CDH12: variants seen among roughly 807,000 people sequenced by gnomAD.
CDH12 encodes the protein cadherin 12.
A neutral mutation model predicts 74.1 loss-of-function variants in CDH12; 41 were observed. That is an observed-to-expected ratio of 0.55 (90% confidence interval 0.43 to 0.72). CDH12 has a LOEUF of 0.72. CDH12 is among the 30% of genes least tolerant of loss of function. The pLI is 0.00. For synonymous variants in CDH12, 399 were observed against 355.0 expected (o/e 1.12, Z -1.39); for missense variants, 945 against 977.2 (o/e 0.97, Z 0.44).
chr5:22,283,496 T>C (rs2150408678), intron 3 of CDH12, among the ~76,000 whole-genome samples: 1 of 151,990 alleles, frequency 6.6e-6, no homozygotes, highest in Admixed American at 6.6e-5. Flanking sequence ...GAAGGCATTT[T>C]GATAACTGAC....
rs561636813 is a variant in CDH12, at chr5:21,848,960, C to T, written c.646+5711G>A. Among the ~76,000 whole-genome samples, 186 of 151,918 alleles carry T rather than the reference C, an allele frequency of 1.2e-3. 1 individual carries two copies. Among genetic ancestry groups the T allele is most frequent in the African/African-American group, 4.2e-3 (173 of 41,478 alleles). On this transcript the variant is annotated intron_variant, in intron 7 of 14. Coordinates refer to ENST00000382254, the MANE Select transcript of CDH12 (RefSeq NM_004061.5). The stretch of plus-strand genomic sequence containing the variant: ...CCCAATAGCAAAGGACCTGTCAGGT[C>T]GTATGTTATAGATACATGTGCATCA...
In CDH12 at chr5:22,241,256, A is replaced by G. The variant is rs913972492; in HGVS notation, c.-332-28613T>C. On this transcript the variant is annotated intron_variant, in intron 3 of 14. Transcript: ENST00000382254. Reference sequence around the variant, plus strand: ...ATACACTTTTTTTCCCACAAAGGCCATAACGTATTTTCAAAACCAAACTCT... The same window carrying G: ...ATACACTTTTTTTCCCACAAAGGCCGTAACGTATTTTCAAAACCAAACTCT... Among the ~76,000 whole-genome samples, 62 of 152,172 alleles carry G rather than the reference A, an allele frequency of 4.1e-4. 2 individuals carry two copies. Among genetic ancestry groups the G allele is most frequent in the African/African-American group, 1.5e-3 (61 of 41,544 alleles).
chr5:22,431,868 AAG>A (rs1461631978), intron 2 of CDH12, among the ~76,000 whole-genome samples: 1 of 152,134 alleles, frequency 6.6e-6, no homozygotes. Flanking sequence ...AGTATTATGA[AAG>A]AGAGTAGAAA....
intron 6 of CDH12, among the ~76,000 whole-genome samples, chr5:21,936,787 T>G (rs932624968): frequency 2.0e-5 from 3 of 152,042 alleles, no homozygotes; most frequent in African/African-American, 7.2e-5. Context: ...ATGCTGTTCT[T>G]GTGATAGTGA....
At chr5:21,853,122 G>T (rs1750560843) in intron 7 of CDH12, among the ~76,000 whole-genome samples, 1 of 150,828 alleles carries the variant, frequency 6.6e-6, no homozygotes, top group African/African-American at 2.4e-5. Flanking sequence ...ATATATATAA[G>T]ATTTTTTTCA....
At chr5:22,579,312 A>G (rs1739959293) in intron 1 of CDH12, among the ~76,000 whole-genome samples, 1 of 152,180 alleles carries the variant, frequency 6.6e-6, no homozygotes, top group African/African-American at 2.4e-5. Context: ...ATCAGATGTT[A>G]TAAGGTCAAC....
rs1580361814 is a variant in CDH12, at chr5:22,177,496, C to A, written c.-187+35002G>T. Reference sequence around the variant, plus strand: ...ATCAACTTAAAAAATTTCACAAATTCTTTGAAAATCCAACTATTCAAAGAA... The same window carrying A: ...ATCAACTTAAAAAATTTCACAAATTATTTGAAAATCCAACTATTCAAAGAA... On this transcript the variant is annotated intron_variant, in intron 4 of 14. Transcript: ENST00000382254. Among the ~76,000 whole-genome samples, 7 of 152,266 alleles carry A rather than the reference C, an allele frequency of 4.6e-5. No homozygotes were observed. The South Asian group carries it at 1.2e-3, about 27-fold the overall frequency.
chr5:21,836,888 G>A (rs541741343), intron 8 of CDH12, among the ~76,000 whole-genome samples: 2 of 151,914 alleles, frequency 1.3e-5, no homozygotes, highest in East Asian at 1.9e-4. Flanking sequence ...TTCAGTTACC[G>A]CTCTTTTAAT....
Position 21,883,199 on chromosome 5 carries a change from T to C in CDH12, c.527-28409A>G, listed in dbSNP as rs1752448364. The C allele has an allele frequency of 4.2e-6, 6 of 1,413,376 alleles. No homozygotes were observed. The Admixed American group carries it at 6.7e-5, about 16-fold the overall frequency. 87.6% of individuals were successfully genotyped at this position (1,413,376 alleles called of 1,614,324 possible). ...GAAAGGGTGTCATCACAGTAAAGGATGGAAAAACACTGAATGATGAATTAG... is the reference window on the plus strand; with the variant it reads ...GAAAGGGTGTCATCACAGTAAAGGACGGAAAAACACTGAATGATGAATTAG... On this transcript the variant is annotated intron_variant, in intron 6 of 14. Coordinates refer to ENST00000382254, the MANE Select transcript of CDH12 (RefSeq NM_004061.5).
At chr5:22,283,547 G>A (rs1055310685) in intron 3 of CDH12, among the ~76,000 whole-genome samples, 26 of 151,752 alleles carry the variant, frequency 1.7e-4, no homozygotes, top group African/African-American at 6.3e-4. Flanking sequence ...ACTTATATGT[G>A]GAATCTGAAA....
chr5:21,991,982 A>C (rs1757775303), intron 5 of CDH12, among the ~76,000 whole-genome samples: 1 of 152,034 alleles, frequency 6.6e-6, no homozygotes, highest in African/African-American at 2.4e-5. Context: ...ATAGTGTGAA[A>C]ATGAGTAATC....
chr5:22,745,416 G>T (rs1580952742), intron 1 of CDH12, among the ~76,000 whole-genome samples: 3 of 151,838 alleles, frequency 2.0e-5, no homozygotes, highest in Admixed American at 6.6e-5. Context: ...CCTGTTACTG[G>T]GTATATACAC....
intron 5 of CDH12, among the ~76,000 whole-genome samples, chr5:22,010,555 C>T (rs1345609587): frequency 6.6e-6 from 1 of 152,122 alleles, no homozygotes; most frequent in East Asian, 1.9e-4. Flanking sequence ...AATCTCTTGC[C>T]CCTTTAATTA....
intron 6 of CDH12, among the ~76,000 whole-genome samples, chr5:21,962,560 T>A (rs1756407029): frequency 6.6e-6 from 1 of 152,134 alleles, no homozygotes; most frequent in Non-Finnish European, 1.5e-5. Flanking sequence ...TCCCCTTGAT[T>A]ATTTATTAAA....
At chr5:22,789,071 T>G (rs1422347821) in intron 1 of CDH12, among the ~76,000 whole-genome samples, 1 of 152,082 alleles carries the variant, frequency 6.6e-6, no homozygotes, top group Non-Finnish European at 1.5e-5. Context: ...ATAGTTTATT[T>G]TGAGTTTTCT....
At chr5:22,326,226 C>G (rs1246900946) in intron 3 of CDH12, among the ~76,000 whole-genome samples, 1 of 106,308 alleles carries the variant, frequency 9.4e-6, no homozygotes, top group Non-Finnish European at 2.1e-5. Context: ...TCCCAGTTGG[C>G]TATTTTTTTT....
intron 4 of CDH12, among the ~76,000 whole-genome samples, chr5:22,124,878 C>T (rs975004829): frequency 1.2e-4 from 19 of 152,162 alleles, no homozygotes; most frequent in African/African-American, 3.1e-4. Context: ...TAATATGCAG[C>T]CCTGTGATGC....
chr5:21,884,055 T>G, intron 6 of CDH12: 1 of 1,438,292 alleles, frequency 7.0e-7, no homozygotes, highest in East Asian at 2.3e-5. Flanking sequence ...TGAAGGATCT[T>G]TGATAGTTGA....
intron 6 of CDH12, among the ~76,000 whole-genome samples, chr5:21,950,897 C>T (rs1433195729): frequency 6.6e-6 from 1 of 151,064 alleles, no homozygotes; most frequent in Non-Finnish European, 1.5e-5. Context: ...TGCCATTCTC[C>T]TGCCTCAGCC....
Sources: allele counts gnomAD v4.1 joint callset (sites outside exome capture counted in the v4.1 genomes callset), GRCh38; gene constraint gnomAD v4.1.1; transcripts MANE v1.5; gene names NCBI Gene and HGNC (gene_info 2026-07-23, HGNC 2026-07-21).